Variants in ALK observed in about 807,000 individuals in gnomAD.
ALK encodes the protein ALK tyrosine kinase receptor.
In ALK, 74 loss-of-function variants were observed where a neutral mutation model predicts 163.1. That is an observed-to-expected ratio of 0.45 (90% confidence interval 0.38 to 0.55). ALK has a LOEUF of 0.55. Among genes scored for constraint, ALK ranks in the 20% least tolerant of loss-of-function variants. The probability of loss-of-function intolerance (pLI) is 0.00; values close to 1 mark genes in which losing one functional copy is unlikely to be tolerated. For synonymous variants in ALK, 960 were observed against 843.2 expected (o/e 1.14, Z -2.40); for missense variants, 2,063 against 2,105.3 (o/e 0.98, Z 0.39).
intron 1 of ALK, among the ~76,000 whole-genome samples, chr2:29,731,412 C>T (rs923614772): frequency 1.3e-5 from 2 of 152,230 alleles, no homozygotes; most frequent in East Asian, 1.9e-4. Context: ...AGCATAAACT[C>T]GGAGAAACTG....
chr2:29,399,312 C>T (rs948684675), intron 4 of ALK, among the ~76,000 whole-genome samples: 8 of 152,148 alleles, frequency 5.3e-5, no homozygotes, highest in South Asian at 2.1e-4. Context: ...TGTCAAATTC[C>T]GAGTCCACAG....
chr2:29,194,402 T>C (rs1668971922), intron 28 of ALK, among the ~76,000 whole-genome samples: 1 of 152,174 alleles, frequency 6.6e-6, no homozygotes, highest in Admixed American at 6.5e-5. Context: ...TATTTTTTGA[T>C]CTCTTCCCAG....
At chr2:29,349,707 T>C (rs952187862) in intron 5 of ALK, among the ~76,000 whole-genome samples, 3 of 152,154 alleles carry the variant, frequency 2.0e-5, no homozygotes, top group African/African-American at 7.2e-5. Flanking sequence ...AGTGGACAGG[T>C]GACAGCTCAT....
intron 9 of ALK, among the ~76,000 whole-genome samples, chr2:29,282,276 G>T (rs1015439241): frequency 1.3e-5 from 2 of 152,168 alleles, no homozygotes; most frequent in East Asian, 3.8e-4. Flanking sequence ...TCTAAAATGG[G>T]CTGTCATGAA....
At chr2:29,600,253 A>G (rs1675345151) in intron 3 of ALK, among the ~76,000 whole-genome samples, 1 of 152,232 alleles carries the variant, frequency 6.6e-6, no homozygotes, top group Non-Finnish European at 1.5e-5. Flanking sequence ...GTGGGAGAGT[A>G]ACACCACAAA....
At chr2:29,683,509 C>T (rs984436369) in intron 3 of ALK, among the ~76,000 whole-genome samples, 18 of 152,212 alleles carry the variant, frequency 1.2e-4, no homozygotes, top group Non-Finnish European at 7.3e-5. Flanking sequence ...AACCTGACCA[C>T]AACCTTTGCT....
chr2:29,393,020 G>C (rs1669216061), intron 4 of ALK, among the ~76,000 whole-genome samples: 1 of 152,218 alleles, frequency 6.6e-6, no homozygotes, highest in Non-Finnish European at 1.5e-5. Context: ...GAGTGTTCAA[G>C]GTCACTGAAT....
chr2:29,649,273 AGT>A (rs1026610455), intron 3 of ALK, among the ~76,000 whole-genome samples: 2 of 151,348 alleles, frequency 1.3e-5, no homozygotes. Context: ...TGTGTGACAG[AGT>A]GTGTGTTTCA....
intron 1 of ALK, among the ~76,000 whole-genome samples, chr2:29,814,160 T>C (rs1228901436): frequency 6.6e-6 from 1 of 152,100 alleles, no homozygotes; most frequent in Non-Finnish European, 1.5e-5. Context: ...ACAGCAACCC[T>C]AGGAGGCAGG....
intron 3 of ALK, among the ~76,000 whole-genome samples, chr2:29,612,397 T>C (rs140792952): frequency 6.6e-6 from 1 of 152,328 alleles, no homozygotes; most frequent in Non-Finnish European, 1.5e-5. Flanking sequence ...TTCCTTGGTT[T>C]CAATCATCCC....
At chr2:29,714,764 T>C (rs1211832760) in intron 2 of ALK, among the ~76,000 whole-genome samples, 1 of 152,234 alleles carries the variant, frequency 6.6e-6, no homozygotes, top group African/African-American at 2.4e-5. Flanking sequence ...TTAAAATTAA[T>C]GAAGTTGTTA....
At chr2:29,329,942 C>G (rs898105692) in intron 5 of ALK, among the ~76,000 whole-genome samples, 2 of 152,188 alleles carry the variant, frequency 1.3e-5, no homozygotes, top group African/African-American at 2.4e-5. Context: ...ATGTGGGATT[C>G]ACACCCAGCT....
chr2:29,469,132 A>T (rs1035151667), intron 4 of ALK, among the ~76,000 whole-genome samples: 1 of 152,316 alleles, frequency 6.6e-6, no homozygotes, highest in African/African-American at 2.4e-5. Context: ...AGATCATACT[A>T]TGAAGCTTTC....
At chr2:29,694,241 AG>A (rs1215149185) in intron 3 of ALK, among the ~76,000 whole-genome samples, 7 of 152,200 alleles carry the variant, frequency 4.6e-5, no homozygotes, top group Non-Finnish European at 7.3e-5. Flanking sequence ...ATAATAAAGA[AG>A]GGGACATTCA....
At chr2:29,744,855 C>T (rs933986400) in intron 1 of ALK, among the ~76,000 whole-genome samples, 9 of 152,008 alleles carry the variant, frequency 5.9e-5, no homozygotes, top group Non-Finnish European at 8.8e-5. Flanking sequence ...GCTTTTCCAA[C>T]GCAACCTCAG....
chr2:29,849,313 CCTGA>C (rs1304764288), intron 1 of ALK, among the ~76,000 whole-genome samples: 6 of 152,200 alleles, frequency 3.9e-5, no homozygotes. Context: ...TTGAATGTCC[CCTGA>C]CTAACTGTAT....
At chr2:29,289,931 C>T (rs1665974482) in intron 9 of ALK, among the ~76,000 whole-genome samples, 3 of 152,174 alleles carry the variant, frequency 2.0e-5, no homozygotes, top group Admixed American at 1.3e-4. Flanking sequence ...TCCCAGGACT[C>T]GTGTTCTGTG....
intron 3 of ALK, among the ~76,000 whole-genome samples, chr2:29,661,403 C>T (rs1677342095): frequency 6.6e-6 from 1 of 152,178 alleles, no homozygotes; most frequent in African/African-American, 2.4e-5. Flanking sequence ...CTCCAGGACT[C>T]ACCACACTAT....
chr2:29,912,926 T>C (rs886906024), intron 1 of ALK, among the ~76,000 whole-genome samples: 3 of 152,142 alleles, frequency 2.0e-5, no homozygotes, highest in East Asian at 1.9e-4. Context: ...AAAAGATAAG[T>C]AGGGGTCAAA....
Sources: allele counts gnomAD v4.1 joint callset (sites outside exome capture counted in the v4.1 genomes callset), GRCh38; gene constraint gnomAD v4.1.1; transcripts MANE v1.5; gene names NCBI Gene and HGNC (gene_info 2026-07-23, HGNC 2026-07-21).